The following LINGO1 variants were observed in gnomAD, a reference collection of about 807,000 sequenced individuals.
LINGO1 encodes the protein leucine-rich repeat and immunoglobulin-like domain-containing nogo receptor-interacting protein 1.
Under a neutral mutation model 37.3 loss-of-function variants are expected in LINGO1, and 11 were observed. That is an observed-to-expected ratio of 0.29 (90% CI 0.19 to 0.49). The LOEUF (loss-of-function observed/expected upper bound fraction) is 0.49, where lower values mean the gene tolerates loss of function less well. Among genes scored for constraint, LINGO1 ranks in the 20% least tolerant of loss-of-function variants. The pLI, the probability that LINGO1 is intolerant of heterozygous loss-of-function variation, is 0.99. For synonymous variants in LINGO1, 387 were observed against 403.0 expected, an observed-to-expected ratio of 0.96 and a Z score of 0.48; for missense variants, 585 against 878.2, an observed-to-expected ratio of 0.67 and a Z score of 4.22.
upstream of LINGO1, chr15:77,634,410 TC>T: frequency 2.2e-6 from 1 of 450,432 alleles, no homozygotes; most frequent in Non-Finnish European, 4.5e-6. Flanking sequence ...CTAGCTAGAG[TC>T]CCTCCTAGCA....
chr15:77,667,430 A>G (rs2075156383), intron 3 of LINGO1, among the ~76,000 whole-genome samples: 1 of 152,160 alleles, frequency 6.6e-6, no homozygotes, highest in African/African-American at 2.4e-5. Context: ...GCGAGGGGCC[A>G]TGGAGTGAAG....
rs140648341 is a variant in LINGO1, at chr15:77,710,417, A to T, written c.-194-19516T>A. On this transcript the variant is annotated intron_variant, in intron 2 of 3. Transcript: ENST00000561686. ...ACAATGGGCCACCCAGCTGGTAGAG[A>T]GTCTCGGCTCCTAATTAAGAACCGC... Among the ~76,000 whole-genome samples the T allele has an allele frequency of 4.0e-3, 615 of 152,292 alleles. 4 individuals carry two copies. Among genetic ancestry groups the T allele is most frequent in the African/African-American group, 0.014 (590 of 41,564 alleles).
upstream of LINGO1, among the ~76,000 whole-genome samples, chr15:77,697,523 G>A (rs931219869): frequency 6.6e-6 from 1 of 152,258 alleles, no homozygotes; most frequent in Non-Finnish European, 1.5e-5. Flanking sequence ...AGGCCCAAAG[G>A]TCCAGCCCAG....
intron 1 of LINGO1, among the ~76,000 whole-genome samples, chr15:77,798,903 C>T (rs1385659174): frequency 6.6e-6 from 1 of 152,020 alleles, no homozygotes; most frequent in Admixed American, 6.6e-5. Flanking sequence ...GGGGCTGGCA[C>T]CCGGTACACA....
At chr15:77,771,071 C>T (rs1052064500) in intron 1 of LINGO1, among the ~76,000 whole-genome samples, 1 of 152,178 alleles carries the variant, frequency 6.6e-6, no homozygotes, top group African/African-American at 2.4e-5. Context: ...AGAGGTCAAA[C>T]AGAGATGGGA....
upstream of LINGO1, among the ~76,000 whole-genome samples, chr15:77,635,427 G>A (rs2141092678): frequency 6.6e-6 from 1 of 152,248 alleles, no homozygotes; most frequent in South Asian, 2.1e-4. Flanking sequence ...TCCCCACCCA[G>A]TTACCTCTGC....
At chr15:77,762,483 A>G (rs557271989) in intron 1 of LINGO1, among the ~76,000 whole-genome samples, 4 of 152,236 alleles carry the variant, frequency 2.6e-5, no homozygotes, top group South Asian at 2.1e-4. Context: ...AGATGGAGTG[A>G]GGCCCTAAGA....
intron 2 of LINGO1, among the ~76,000 whole-genome samples, chr15:77,721,225 C>G (rs561431918): frequency 2.6e-5 from 4 of 152,288 alleles, no homozygotes; most frequent in Non-Finnish European, 5.9e-5. Flanking sequence ...GCCCTAACCC[C>G]CTCCAGCCAT....
chr15:77,819,381 C>A (rs372187360), intron 1 of LINGO1: 1 of 151,484 alleles, frequency 6.6e-6, no homozygotes, highest in Non-Finnish European at 1.5e-5. Flanking sequence ...GGCTCGGCTC[C>A]GCGATGGTGG....
chr15:77,632,957 G>C (rs146390292), upstream of LINGO1, among the ~76,000 whole-genome samples: 1,037 of 151,098 alleles, frequency 6.9e-3, 5 homozygotes, highest in Non-Finnish European at 0.011. The surrounding 1 kb of genome is among the most constrained non-coding windows in gnomAD (Gnocchi z 6.0). Context: ...AGGAGGGAGC[G>C]AGTGAGCCGC....
chr15:77,818,813 G>A (rs1362618954), intron 1 of LINGO1, among the ~76,000 whole-genome samples: 1 of 151,794 alleles, frequency 6.6e-6, no homozygotes, highest in Non-Finnish European at 1.5e-5. Flanking sequence ...CTAGGTGGGT[G>A]TCCCAGAGAG....
intron 2 of LINGO1, among the ~76,000 whole-genome samples, chr15:77,725,429 T>C (rs745710176): frequency 3.3e-5 from 5 of 152,138 alleles, no homozygotes; most frequent in Non-Finnish European, 7.4e-5. Flanking sequence ...ACAGTGGCGT[T>C]GCACCCAACT....
intron 1 of LINGO1, among the ~76,000 whole-genome samples, chr15:77,627,177 C>G (rs920290992): frequency 6.6e-6 from 1 of 152,148 alleles, no homozygotes; most frequent in African/African-American, 2.4e-5. Context: ...GAACAATGCC[C>G]TGGTAATGTC....
chr15:77,637,729 T>C (rs1352620963), upstream of LINGO1, among the ~76,000 whole-genome samples: 1 of 152,160 alleles, frequency 6.6e-6, no homozygotes, highest in Non-Finnish European at 1.5e-5. This position sits in a 1 kb window ranked among gnomAD's most constrained non-coding sequence, Gnocchi z 4.6. Flanking sequence ...CTTTCAGCAT[T>C]CCCACTCGGA....
chr15:77,622,256 G>A (rs2073945767), intron 1 of LINGO1, among the ~76,000 whole-genome samples: 1 of 151,974 alleles, frequency 6.6e-6, no homozygotes, highest in South Asian at 2.1e-4. Flanking sequence ...GGTGGGTGAG[G>A]CTGCAGAGGA....
chr15:77,784,521 A>T (rs2141432632), intron 1 of LINGO1: 1 of 152,394 alleles, frequency 6.6e-6, no homozygotes, highest in East Asian at 1.9e-4. Context: ...AATTTGTTAC[A>T]ATATCCACTG....
intron 2 of LINGO1, among the ~76,000 whole-genome samples, chr15:77,681,228 GT>G (rs34047610): frequency 0.39 from 58,686 of 150,598 alleles, 11,778 homozygotes; most frequent in African/African-American, 0.5. Flanking sequence ...ATTTCTGTGG[GT>G]TTTTTTTTTC....
chr15:77,742,400 C>T (rs1567558039), intron 1 of LINGO1, among the ~76,000 whole-genome samples: 1 of 152,226 alleles, frequency 6.6e-6, no homozygotes, highest in Admixed American at 6.5e-5. Flanking sequence ...GTGCCGGGCA[C>T]ATCAGCTCAC....
chr15:77,648,153 C>A, intron 3 of LINGO1: 1 of 338,396 alleles, frequency 3.0e-6, no homozygotes, highest in Non-Finnish European at 5.8e-6. Flanking sequence ...GATGAGGAGA[C>A]TGAGTCCCAA....
Sources: allele counts gnomAD v4.1 joint callset (sites outside exome capture counted in the v4.1 genomes callset), GRCh38; gene constraint gnomAD v4.1.1; non-coding constraint Gnocchi (gnomAD v3.1); transcripts MANE v1.5; gene names NCBI Gene and HGNC (gene_info 2026-07-23, HGNC 2026-07-21).